FHIT: variants seen among roughly 807,000 people sequenced by gnomAD.
The protein encoded by FHIT is bis(5'-adenosyl)-triphosphatase.
In FHIT, 19 loss-of-function variants were observed where a neutral mutation model predicts 17.9. That is an observed-to-expected ratio of 1.06 (90% CI 0.74 to 1.56). The LOEUF (loss-of-function observed/expected upper bound fraction) is 1.56, where lower values mean the gene tolerates loss of function less well. Ranked by LOEUF, FHIT falls within the 40% of genes most tolerant of loss-of-function variation. The probability of loss-of-function intolerance (pLI) is 0.00; values close to 1 mark genes in which losing one functional copy is unlikely to be tolerated. For missense variants in FHIT, 248 were observed against 189.2 expected, an observed-to-expected ratio of 1.31 and a Z score of -1.82; for synonymous variants, 81 against 69.7, an observed-to-expected ratio of 1.16 and a Z score of -0.81.
At chr3:61,209,431 C>T (rs2039376494) in intron 1 of FHIT, among the ~76,000 whole-genome samples, 1 of 152,226 alleles carries the variant, frequency 6.6e-6, no homozygotes, top group African/African-American at 2.4e-5. Flanking sequence ...TGGTTCCATT[C>T]TCCCCGTCAC....
At chr3:61,131,266 T>G (rs2036755819) in intron 2 of FHIT, among the ~76,000 whole-genome samples, 2 of 152,180 alleles carry the variant, frequency 1.3e-5, no homozygotes, top group Admixed American at 6.5e-5. Flanking sequence ...AACTCATCTT[T>G]CTCCTACTCT....
chr3:60,448,648 A>G (rs992518993), intron 5 of FHIT, among the ~76,000 whole-genome samples: 5 of 152,166 alleles, frequency 3.3e-5, no homozygotes, highest in Admixed American at 2.6e-4. Context: ...TCTTAACCGC[A>G]TTGCTTTACT....
chr3:60,956,597 C>A (rs1709172939), intron 3 of FHIT, among the ~76,000 whole-genome samples: 2 of 152,278 alleles, frequency 1.3e-5, no homozygotes, highest in Admixed American at 6.5e-5. Flanking sequence ...ATCTAATTAA[C>A]CCAACCAAGG....
At chr3:60,097,682 T>C (rs562171019) in intron 5 of FHIT, among the ~76,000 whole-genome samples, 20 of 152,234 alleles carry the variant, frequency 1.3e-4, no homozygotes, top group African/African-American at 4.6e-4. Flanking sequence ...AATCTTTTCT[T>C]AATTCTACCA....
intron 7 of FHIT, among the ~76,000 whole-genome samples, chr3:59,966,108 G>C (rs1481145048): frequency 2.6e-5 from 4 of 152,190 alleles, no homozygotes; most frequent in Non-Finnish European, 4.4e-5. Context: ...CTGCTGAATT[G>C]CTTTTTGGAG....
intron 5 of FHIT, among the ~76,000 whole-genome samples, chr3:60,379,752 A>G (rs1412349867): frequency 2.6e-5 from 4 of 152,184 alleles, no homozygotes; most frequent in Non-Finnish European, 4.4e-5. Flanking sequence ...TGAAAAAAGG[A>G]GATACCTAGT....
chr3:60,515,472 C>T (rs2035117105), intron 5 of FHIT, among the ~76,000 whole-genome samples: 1 of 151,956 alleles, frequency 6.6e-6, no homozygotes, highest in Non-Finnish European at 1.5e-5. Flanking sequence ...CAAGAGTAGC[C>T]TCACCCCAAA....
intron 8 of FHIT, among the ~76,000 whole-genome samples, chr3:59,857,499 C>T (rs1184197848): frequency 2.0e-5 from 3 of 150,824 alleles, no homozygotes; most frequent in Non-Finnish European, 4.4e-5. Context: ...AAAATGTTGC[C>T]AATAATCTCT....
intron 2 of FHIT, among the ~76,000 whole-genome samples, chr3:61,107,147 C>T (rs1450027379): frequency 6.6e-6 from 1 of 152,176 alleles, no homozygotes; most frequent in Non-Finnish European, 1.5e-5. Flanking sequence ...CGCGCCAACT[C>T]CTGGTAACCA....
chr3:59,869,059 G>C (rs1165480030), intron 8 of FHIT, among the ~76,000 whole-genome samples: 4 of 152,136 alleles, frequency 2.6e-5, no homozygotes, highest in Admixed American at 6.5e-5. Context: ...TGAAATGTAG[G>C]AGAACGGTTA....
intron 8 of FHIT, among the ~76,000 whole-genome samples, chr3:59,777,199 G>C (rs548923141): frequency 1.3e-5 from 2 of 152,156 alleles, no homozygotes; most frequent in African/African-American, 4.8e-5. Flanking sequence ...TTATTCTACT[G>C]CTCTTCCCAA....
chr3:61,069,471 A>T (rs1187111667), intron 2 of FHIT, among the ~76,000 whole-genome samples: 2 of 152,216 alleles, frequency 1.3e-5, no homozygotes, highest in Non-Finnish European at 2.9e-5. Flanking sequence ...AGCCATGATT[A>T]AGGACTGTTA....
At chr3:60,034,603 T>A (rs752361531) in intron 5 of FHIT, among the ~76,000 whole-genome samples, 1 of 152,232 alleles carries the variant, frequency 6.6e-6, no homozygotes, top group Non-Finnish European at 1.5e-5. Flanking sequence ...AAAGTTGGTA[T>A]AAAGGCTGTC....
chr3:60,388,545 G>T (rs191889994), intron 5 of FHIT, among the ~76,000 whole-genome samples: 11 of 152,150 alleles, frequency 7.2e-5, no homozygotes, highest in African/African-American at 2.7e-4. Flanking sequence ...AGGTTGCAAT[G>T]AGCAGCGATC....
chr3:61,154,159 C>T (rs561868556), intron 2 of FHIT, among the ~76,000 whole-genome samples: 2 of 152,314 alleles, frequency 1.3e-5, no homozygotes, highest in African/African-American at 2.4e-5. Context: ...TTACCAGGCT[C>T]GCACGTGGCA....
At chr3:60,728,984 C>G (rs17063883) in intron 4 of FHIT, among the ~76,000 whole-genome samples, 1,729 of 152,248 alleles carry the variant, frequency 0.011, 24 homozygotes, top group African/African-American at 0.032. Context: ...TAATTTTAAA[C>G]TCATTATCAG....
At chr3:59,786,409 G>C (rs1392083167) in intron 8 of FHIT, among the ~76,000 whole-genome samples, 1 of 152,164 alleles carries the variant, frequency 6.6e-6, no homozygotes, top group Non-Finnish European at 1.5e-5. Context: ...AGCACTTGAA[G>C]GTATGTTTCC....
intron 5 of FHIT, among the ~76,000 whole-genome samples, chr3:60,056,317 G>C (rs1460077112): frequency 2.0e-5 from 3 of 152,202 alleles, no homozygotes; most frequent in Non-Finnish European, 4.4e-5. Flanking sequence ...TATTACTTGA[G>C]ATTTATTTGG....
In FHIT at chr3:60,575,000, G is replaced by A. The variant is rs782645319; in HGVS notation, c.-17-38021C>T. On this transcript the variant is annotated intron_variant, in intron 4 of 9. Transcript: ENST00000492590. ...TCGTTTGTGCCTGTCACATCTTTAT[G>A]GGCCCAAGAATAGAGATGATAGGCA... 2.6e-5 allele frequency among the ~76,000 whole-genome samples: 4 copies of A among 151,642 alleles called. 1 individual carries two copies. Among genetic ancestry groups the A allele is most frequent in the South Asian group, 4.2e-4 (2 of 4,810 alleles).
Sources: allele counts gnomAD v4.1 joint callset (sites outside exome capture counted in the v4.1 genomes callset), GRCh38; gene constraint gnomAD v4.1.1; transcripts MANE v1.5; gene names NCBI Gene and HGNC (gene_info 2026-07-23, HGNC 2026-07-21).